RYR3: variants seen among roughly 807,000 people sequenced by gnomAD.
RYR3 encodes brain ryanodine receptor-calcium release channel.
A neutral mutation model predicts 584.3 loss-of-function variants in RYR3; 207 were observed. That is an observed-to-expected ratio of 0.35 (90% CI 0.32 to 0.40). The LOEUF is 0.40. RYR3 is among the 10% of genes least tolerant of loss of function. The probability of loss-of-function intolerance (pLI) is 1.00; values close to 1 mark genes in which losing one functional copy is unlikely to be tolerated. For missense variants in RYR3, 5,616 were observed against 6,089.2 expected (o/e 0.92, Z 2.59); for synonymous variants, 2,416 against 2,248.5 (o/e 1.07, Z -2.11).
intron 45 of RYR3, 95 bp downstream of exon 45, chr15:33,724,271 T>TG: frequency 1.4e-6 from 1 of 691,670 alleles, no homozygotes; most frequent in Non-Finnish European, 2.4e-6. Flanking sequence ...GTCTCTGGCA[T>TG]TTGCTAACAT....
At chr15:33,598,246 C>CAAAAAAAAAAAAAAAA (rs35785154) in intron 16 of RYR3, among the ~76,000 whole-genome samples, 1 of 74,306 alleles carries the variant, frequency 1.3e-5, no homozygotes, top group African/African-American at 5.4e-5. Flanking sequence ...AAAAATTGCT[C>CAAAAAAAAAAAAAAAA]AAAAAAAAAA....
chr15:33,865,284 C>CT lies in RYR3; in HGVS notation c.*58_*59insT, dbSNP rs199510911. ...AGTCAACTTCCCATGAAATAAAGTC[C>CT]CCTTTTTACAGTTCTGCAACATATC... On this transcript the variant is annotated 3_prime_UTR_variant, in exon 104 of 104. Coordinates refer to ENST00000634891, the MANE Select transcript of RYR3 (RefSeq NM_001036.6). The CT allele has an allele frequency of 8.0e-6, 10 of 1,245,500 alleles. No individual in the cohort carries two copies. Among genetic ancestry groups the CT allele is most frequent in the Middle Eastern group, 1.9e-4 (1 of 5,300 alleles). 77.2% of individuals were successfully genotyped at this position (1,245,500 alleles called of 1,614,324 possible).
intron 85 of RYR3, among the ~76,000 whole-genome samples, chr15:33,830,238 A>T (rs1383844772): frequency 6.6e-6 from 1 of 152,220 alleles, no homozygotes; most frequent in Non-Finnish European, 1.5e-5. Context: ...ATTTCAAGAA[A>T]TTGCCACAGC....
Position 33,499,677 on chromosome 15 carries a change from G to C in RYR3, c.172-3954G>C, listed in dbSNP as rs533595925. Reference sequence around the variant, plus strand: ...AACCTTAGTTTATTTTGAGAAGTAGGTACTATTATATCTCCATTATACAGA... The same window carrying C: ...AACCTTAGTTTATTTTGAGAAGTAGCTACTATTATATCTCCATTATACAGA... On this transcript the variant is annotated intron_variant, in intron 2 of 103. Transcript: ENST00000634891. Among the ~76,000 whole-genome samples, 4 of 152,264 alleles carry C rather than the reference G, an allele frequency of 2.6e-5. No individual in the cohort carries two copies. The South Asian group carries it at 8.3e-4, about 32-fold the overall frequency.
intron 96 of RYR3, 59 bp downstream of exon 96, chr15:33,853,741 T>C (rs139426121): frequency 3.2e-6 from 5 of 1,566,590 alleles, no homozygotes; most frequent in Middle Eastern, 1.7e-4. Flanking sequence ...TCTTTGCTTT[T>C]CCATAGGAAA....
intron 37 of RYR3, 84 bp downstream of exon 37, chr15:33,669,540 T>A (rs1026393288): frequency 4.3e-6 from 5 of 1,170,678 alleles, no homozygotes; most frequent in Admixed American, 1.9e-5. Context: ...TAGTGGGAGG[T>A]TGGGAAGTTA....
chr15:33,315,167 G>A (rs1205776151), intron 1 of RYR3, among the ~76,000 whole-genome samples: 2 of 152,144 alleles, frequency 1.3e-5, no homozygotes, highest in Non-Finnish European at 2.9e-5. Context: ...GGGTGCCCAG[G>A]ACAAATTCCT....
chr15:33,567,116 G>A (rs945500741), intron 12 of RYR3, among the ~76,000 whole-genome samples: 2 of 152,160 alleles, frequency 1.3e-5, no homozygotes, highest in African/African-American at 2.4e-5. Context: ...TGTGTAAAGA[G>A]AGAAAGAGCA....
intron 2 of RYR3, among the ~76,000 whole-genome samples, chr15:33,503,172 C>G (rs2052155229): frequency 1.3e-5 from 2 of 152,118 alleles, no homozygotes; most frequent in African/African-American, 4.8e-5. Flanking sequence ...TATACTCTAT[C>G]TAGGTTTTCT....
At chr15:33,807,768 CG>C in intron 70 of RYR3, 199 bp downstream of exon 70, 1 of 606,894 alleles carries the variant, frequency 1.6e-6, no homozygotes, top group Non-Finnish European at 2.9e-6. Context: ...ATGGGGAAGC[CG>C]GGGAAGCCAG....
At chr15:33,378,900 C>T (rs888546908) in intron 1 of RYR3, among the ~76,000 whole-genome samples, 4 of 151,724 alleles carry the variant, frequency 2.6e-5, no homozygotes, top group African/African-American at 7.3e-5. Flanking sequence ...AGAAGTTCAA[C>T]GTTAATATGA....
rs1433429949 is a variant in RYR3 at position 33,865,641 on chromosome 15, C to CCAAAAGATAATA, written c.*415_*416insCAAAAGATAATA. On this transcript the variant is annotated 3_prime_UTR_variant, in exon 104 of 104. Transcript: ENST00000634891. ...ACTTGTGACTCATAGGGTCTGAACT[C>CCAAAAGATAATA]ACTCCAAAAGATAATAACTGCAGTC... 1 of 16,304 alleles carries CCAAAAGATAATA rather than the reference C, an allele frequency of 6.1e-5. No individual in the cohort carries two copies. The highest frequency in any genetic ancestry group is 1.3e-4 in the African/African-American group (1 of 7,634). The allele number at this position is 16,304 out of a possible 1,614,324, so 1.0% of individuals were successfully genotyped here.
In RYR3 at chr15:33,859,724, C is replaced by G; in HGVS notation, c.14292C>G (p.Ile4764Met). 3.7e-6 allele frequency: 6 copies of G among 1,607,780 alleles called. No homozygotes were observed. In the African/African-American group the frequency reaches 4.0e-5, roughly 11 times the overall value. ...TCGTCATTGTCATCTTGCTGGCCAT[C>G]ATTCAAGGTATGATTGCCAATTGTG... The part of the protein sequence containing the change: ...FFFVIVILLA[I>M]IQGLIIDAFG... Residue 4764 changes from isoleucine (I) to methionine (M), a missense_variant, in exon 100 of 104, where the codon ATC becomes ATG. By Grantham distance (10) the Ile-to-Met change is conservative. Coordinates refer to ENST00000634891, the MANE Select transcript of RYR3 (RefSeq NM_001036.6).
intron 1 of RYR3, among the ~76,000 whole-genome samples, chr15:33,386,377 A>G (rs2041603298): frequency 6.6e-6 from 1 of 152,220 alleles, no homozygotes; most frequent in Admixed American, 6.5e-5. Context: ...GTTAATATAA[A>G]AATATGTGTT....
intron 1 of RYR3, among the ~76,000 whole-genome samples, chr15:33,471,642 T>C (rs189882019): frequency 2.0e-5 from 3 of 151,610 alleles, no homozygotes; most frequent in African/African-American, 7.3e-5. Flanking sequence ...GATTTCTAAA[T>C]GCCTGAGTTT....
chr15:33,589,966 T>C (rs1279776894), intron 16 of RYR3, among the ~76,000 whole-genome samples: 1 of 152,090 alleles, frequency 6.6e-6, no homozygotes, highest in Non-Finnish European at 1.5e-5. Context: ...TGATTTCACC[T>C]GGGTGCAGGT....
Position 33,854,479 on chromosome 15 carries a change from C to T in RYR3, c.13860+30C>T, listed in dbSNP as rs764181092. 2.6e-6 allele frequency: 4 copies of T among 1,527,076 alleles called. No homozygotes were observed. The Middle Eastern group carries it at 5.0e-4, about 193-fold the overall frequency. 94.6% of individuals were successfully genotyped at this position (1,527,076 alleles called of 1,614,324 possible). ...GTACTGCACCTGGAAAAACAAAATTCTATACCCCAGTTCAGGGATGCCACA... is the reference window on the plus strand; with the variant it reads ...GTACTGCACCTGGAAAAACAAAATTTTATACCCCAGTTCAGGGATGCCACA... On this transcript the variant is annotated intron_variant, in intron 97 of 103. Coordinates refer to ENST00000634891, the MANE Select transcript of RYR3 (RefSeq NM_001036.6).
chr15:33,819,834 CT>C, intron 77 of RYR3, 27 bp downstream of exon 77: 2 of 1,549,714 alleles, frequency 1.3e-6, no homozygotes, highest in Non-Finnish European at 8.8e-7. Context: ...TGCCCATTGT[CT>C]CTGTCTTTCT....
rs373984848 is a variant in RYR3, at chr15:33,788,463, G to A, written c.9830+5G>A. On this transcript the variant is annotated splice_donor_5th_base_variant and intron_variant, in intron 67 of 103. Transcript: ENST00000634891. ...CCGCTACGTGGACAACAACAGGTAC[G>A]GAGGAGAGCACTAGGAGCCTGTCTG... The A allele has an allele frequency of 1.1e-4, 170 of 1,612,506 alleles. No individual in the cohort carries two copies. The highest frequency in any genetic ancestry group is 2.7e-4 in the Admixed American group (16 of 59,980).
Sources: allele counts gnomAD v4.1 joint callset (sites outside exome capture counted in the v4.1 genomes callset), GRCh38; gene constraint gnomAD v4.1.1; transcripts MANE v1.5; gene names NCBI Gene and HGNC (gene_info 2026-07-23, HGNC 2026-07-21).